CMTM4: variants seen among roughly 807,000 people sequenced by gnomAD.
The protein encoded by CMTM4 is CKLF-like MARVEL transmembrane domain-containing protein 4.
In CMTM4, 8 loss-of-function variants were observed where a neutral mutation model predicts 19.0. That is an observed-to-expected ratio of 0.42 (90% confidence interval 0.25 to 0.76). The LOEUF (loss-of-function observed/expected upper bound fraction) is 0.76, where lower values mean the gene tolerates loss of function less well. CMTM4 is among the 30% of genes least tolerant of loss of function. CMTM4 has a pLI of 0.27. For synonymous variants in CMTM4, 106 were observed against 121.1 expected, an observed-to-expected ratio of 0.88 and a Z score of 0.82; for missense variants, 228 against 290.2, an observed-to-expected ratio of 0.79 and a Z score of 1.56.
chr16:66,693,396 C>T (rs534588192), intron 1 of CMTM4, among the ~76,000 whole-genome samples: 1 of 152,302 alleles, frequency 6.6e-6, no homozygotes, highest in Admixed American at 6.5e-5. Flanking sequence ...TTTTAAAAGT[C>T]AAATTTTTCT....
At chr16:66,634,723 G>C (rs1161922240) in intron 2 of CMTM4, among the ~76,000 whole-genome samples, 1 of 151,606 alleles carries the variant, frequency 6.6e-6, no homozygotes, top group Non-Finnish European at 1.5e-5. Context: ...GGCCTTACCA[G>C]ATGCCTTTAC....
At chr16:66,609,324 G>T in the CMTM4 span, 1 of 881,286 alleles carries the variant, frequency 1.1e-6, no homozygotes, top group Non-Finnish European at 1.8e-6. This position sits in a 1 kb window ranked among gnomAD's most constrained non-coding sequence, Gnocchi z 4.4. Flanking sequence ...GATGGGATAG[G>T]AGCCCTCAGG....
At chr16:66,631,521 G>A (rs939847151) in intron 2 of CMTM4, among the ~76,000 whole-genome samples, 47 of 152,336 alleles carry the variant, frequency 3.1e-4, no homozygotes, top group South Asian at 1.2e-3. Context: ...CTGAGAAATC[G>A]GATGGTTGCT....
intron 1 of CMTM4, among the ~76,000 whole-genome samples, chr16:66,644,251 C>T (rs1255186378): frequency 6.6e-6 from 1 of 152,188 alleles, no homozygotes; most frequent in Non-Finnish European, 1.5e-5. Context: ...ACATGTTCAT[C>T]AATAAACCAG....
chr16:66,604,606 A>G, the CMTM4 span: 2 of 338,068 alleles, frequency 5.9e-6, no homozygotes, highest in Non-Finnish European at 9.4e-6. Flanking sequence ...CGGGCCCAGC[A>G]TCCCCCGCAG....
chr16:66,640,398 C>T (rs1018353783), intron 1 of CMTM4, among the ~76,000 whole-genome samples: 1 of 152,152 alleles, frequency 6.6e-6, no homozygotes, highest in Non-Finnish European at 1.5e-5. Flanking sequence ...GGACAGCTGT[C>T]TGGAGAAAGA....
chr16:66,629,756 G>A (rs2015813068), intron 2 of CMTM4, among the ~76,000 whole-genome samples: 1 of 152,090 alleles, frequency 6.6e-6, no homozygotes, highest in Non-Finnish European at 1.5e-5. Context: ...AGAGGAGCTG[G>A]ACATTGAGTT....
At chr16:66,679,327 C>T (rs191770806) in intron 1 of CMTM4, among the ~76,000 whole-genome samples, 1 of 152,206 alleles carries the variant, frequency 6.6e-6, no homozygotes, top group East Asian at 1.9e-4. Flanking sequence ...GCTTCCTCAT[C>T]ACTTTTACTG....
intron 2 of CMTM4, among the ~76,000 whole-genome samples, chr16:66,635,100 A>AC (rs2015965720): frequency 6.6e-6 from 1 of 152,148 alleles, no homozygotes; most frequent in Non-Finnish European, 1.5e-5. Context: ...GAGCATTTTA[A>AC]CTGGGGGAGG....
intron 1 of CMTM4, among the ~76,000 whole-genome samples, chr16:66,640,480 C>G (rs2016079435): frequency 6.6e-6 from 1 of 152,024 alleles, no homozygotes; most frequent in Non-Finnish European, 1.5e-5. Flanking sequence ...GGGAGAATCA[C>G]AGGAGGGAGG....
chr16:66,627,614 T>C (rs1280172063), intron 2 of CMTM4, among the ~76,000 whole-genome samples: 1 of 152,222 alleles, frequency 6.6e-6, no homozygotes, highest in African/African-American at 2.4e-5. Flanking sequence ...TCTGTCTCTA[T>C]GGATTTGCCT....
intron 1 of CMTM4, among the ~76,000 whole-genome samples, chr16:66,644,282 A>G (rs889082954): frequency 6.6e-6 from 1 of 152,208 alleles, no homozygotes; most frequent in Non-Finnish European, 1.5e-5. Context: ...CTCAGAACAT[A>G]TTGACCGTAT....
At chr16:66,653,333 A>C (rs148239533) in intron 1 of CMTM4, among the ~76,000 whole-genome samples, 1 of 152,162 alleles carries the variant, frequency 6.6e-6, no homozygotes, top group Non-Finnish European at 1.5e-5. Flanking sequence ...ATGGAAGTCC[A>C]TTGGGAAAAC....
chr16:66,646,292 CAG>C (rs2016195500), intron 1 of CMTM4, among the ~76,000 whole-genome samples: 1 of 152,078 alleles, frequency 6.6e-6, no homozygotes, highest in Non-Finnish European at 1.5e-5. Flanking sequence ...AGGGGAATCA[CAG>C]AGATTTTACC....
At chr16:66,605,033 T>C in the CMTM4 span, 6 of 1,255,390 alleles carry the variant, frequency 4.8e-6, no homozygotes, top group African/African-American at 9.6e-5. The surrounding 1 kb of genome is among the most constrained non-coding windows in gnomAD (Gnocchi z 4.6). Flanking sequence ...GCGGGTGGGG[T>C]CCGGGGGCGG....
At chr16:66,687,939 G>A (rs549350518) in intron 1 of CMTM4, among the ~76,000 whole-genome samples, 4 of 152,060 alleles carry the variant, frequency 2.6e-5, no homozygotes, top group East Asian at 1.9e-4. Flanking sequence ...TGCCCGCCTC[G>A]GCCTCCCAGA....
rs1336956983 is a variant in CMTM4 at position 66,645,303 on chromosome 16, G to A, written c.187-8722C>T. Among the ~76,000 whole-genome samples the A allele has an allele frequency of 3.3e-5, 5 of 150,806 alleles. No individual in the cohort carries two copies. The East Asian group carries it at 7.9e-4, about 24-fold the overall frequency. On this transcript the variant is annotated intron_variant, in intron 1 of 3. Transcript: ENST00000394106. ...CCATCTCAAAGAAAAAACATGGCCA[G>A]GCACAGTGGCTCACGCCTGCAATCC...
intron 1 of CMTM4, among the ~76,000 whole-genome samples, chr16:66,687,726 C>A (rs1022904578): frequency 7.5e-6 from 1 of 132,810 alleles, no homozygotes; most frequent in Non-Finnish European, 1.5e-5. Flanking sequence ...CTCGCTCTGT[C>A]GCCCAGGCTG....
chr16:66,672,413 C>T (rs1262787861), intron 1 of CMTM4, among the ~76,000 whole-genome samples: 3 of 134,760 alleles, frequency 2.2e-5, no homozygotes, highest in Admixed American at 8.0e-5. Flanking sequence ...AGCAAGACTA[C>T]GTCTCAAAAA....
Sources: gnomAD v4.1 joint callset for allele counts (sites outside exome capture counted in the v4.1 genomes callset) on GRCh38, gnomAD v4.1.1 for gene constraint, Gnocchi (gnomAD v3.1) non-coding constraint, MANE v1.5 for transcripts, NCBI Gene and HGNC (gene_info 2026-07-23, HGNC 2026-07-21) for gene names.